NDE1: variants seen among roughly 807,000 people sequenced by gnomAD.
The protein encoded by NDE1 is nuclear distribution protein nudE homolog 1.
NDE1 carries 28 observed loss-of-function variants against 43.4 expected under a neutral mutation model. The ratio of observed to expected loss-of-function variants is 0.65; its 90% CI spans 0.48 to 0.89. The LOEUF (loss-of-function observed/expected upper bound fraction) is 0.89, where lower values mean the gene tolerates loss of function less well. Ranked by LOEUF, NDE1 falls within the 40% of genes least tolerant of loss-of-function variation. NDE1 has a pLI of 0.00. For synonymous variants in NDE1, 184 were observed against 172.0 expected, an observed-to-expected ratio of 1.07 and a Z score of -0.55; for missense variants, 441 against 434.1, an observed-to-expected ratio of 1.02 and a Z score of -0.14.
At chr16:15,695,145 C>T (rs370521422) in intron 7 of NDE1, among the ~76,000 whole-genome samples, 1 of 150,260 alleles carries the variant, frequency 6.7e-6, no homozygotes, top group East Asian at 1.9e-4. Flanking sequence ...GATTCCAACA[C>T]TGCACTCCAT....
intron 8 of NDE1, chr16:15,720,170 T>C: frequency 1.2e-6 from 2 of 1,614,122 alleles, no homozygotes; most frequent in East Asian, 2.2e-5. Flanking sequence ...GCGTAGCTGC[T>C]TGATGGCTTC....
chr16:15,645,317 G>C (rs975239338), upstream of NDE1, among the ~76,000 whole-genome samples: 1 of 152,062 alleles, frequency 6.6e-6, no homozygotes, highest in African/African-American at 2.4e-5. Context: ...GCTGTAACTA[G>C]TCACAACAAG....
rs747901753 is a variant in NDE1 at position 15,677,887 on chromosome 16, C to G, written c.324C>G (p.Asp108Glu). The change falls in exon 4 of 9, where the codon GAC becomes GAG. Residue 108 changes from aspartate (D) to glutamate (E), a missense_variant. Asp to Glu is a conservative substitution (Grantham distance 45). Coordinates refer to ENST00000396354, the MANE Select transcript of NDE1 (RefSeq NM_017668.3). Reference protein sequence around the residue: ...DDLAQTKAIKDQLQKYIRELE... With the variant: ...DDLAQTKAIKEQLQKYIRELE... ...TCGCGCAGACCAAAGCCATTAAAGA[C>G]CAATTGCAGAAATACATCAGAGAGC... 3 of 1,614,094 alleles carry G rather than the reference C, an allele frequency of 1.9e-6. No individual in the cohort carries two copies. The highest frequency in any genetic ancestry group is 4.5e-5 in the East Asian group (2 of 44,878).
At chr16:15,686,138 G>A (rs1180543086) in intron 4 of NDE1, among the ~76,000 whole-genome samples, 1 of 152,008 alleles carries the variant, frequency 6.6e-6, no homozygotes, top group Non-Finnish European at 1.5e-5. Context: ...TTTTAGTAGA[G>A]ATGAGGTTTC....
chr16:15,714,929 G>T, intron 8 of NDE1: 1 of 1,614,004 alleles, frequency 6.2e-7, no homozygotes, highest in Non-Finnish European at 8.5e-7. Context: ...TCTTGAGTGC[G>T]TTCACCTCGC....
At chr16:15,686,409 C>T in intron 4 of NDE1, 1 of 985,314 alleles carries the variant, frequency 1.0e-6, no homozygotes, top group Non-Finnish European at 1.2e-6. Flanking sequence ...GTGCCTTTAC[C>T]ACAGTGTTTA....
intron 8 of NDE1, chr16:15,721,320 C>G (rs112426613): frequency 7.5e-7 from 1 of 1,324,520 alleles, no homozygotes; most frequent in Non-Finnish European, 1.1e-6. Flanking sequence ...GATGATAGTT[C>G]GCTATGAAAA....
chr16:15,667,384 A>T lies in NDE1; in HGVS notation c.182A>T (p.Asn61Ile). 1 of 1,614,028 alleles carries T rather than the reference A, an allele frequency of 6.2e-7. No individual in the cohort carries two copies. The highest frequency in any genetic ancestry group is 1.1e-5 in the South Asian group (1 of 91,074). ...ETQLQQIETR[N>I]RDLLSENNRL... ...CAGCTGCAACAAATTGAAACCAGGA[A>T]CAGAGACCTCCTGTCCGAAAATAAC... Residue 61 changes from asparagine to isoleucine, a missense_variant, in exon 3 of 9, where the codon AAC becomes ATC. By Grantham distance (149) the Asn-to-Ile change is moderately radical (BLOSUM62 -3). Transcript: ENST00000396354.
At chr16:15,692,601 G>A (rs960960757) in intron 6 of NDE1, among the ~76,000 whole-genome samples, 10 of 151,708 alleles carry the variant, frequency 6.6e-5, no homozygotes, top group East Asian at 1.9e-4. Flanking sequence ...GTAGAGATGG[G>A]GTTTCACCAT....
At chr16:15,720,975 T>A in intron 8 of NDE1, 1 of 1,614,100 alleles carries the variant, frequency 6.2e-7, no homozygotes, top group South Asian at 1.1e-5. Context: ...CAGCTCGTCC[T>A]CCAGCTCTTC....
intron 8 of NDE1, chr16:15,720,784 A>G: frequency 1.3e-6 from 2 of 1,548,780 alleles, no homozygotes; most frequent in South Asian, 2.2e-5. Context: ...GAGTGGTGAT[A>G]GGAATGAAAA....
intron 4 of NDE1, chr16:15,684,696 C>T (rs2038346832): frequency 6.6e-6 from 1 of 151,984 alleles, no homozygotes; most frequent in Non-Finnish European, 1.5e-5. Flanking sequence ...TGTTAGGGTA[C>T]AGTATGAGGT....
At chr16:15,694,965 G>A in intron 7 of NDE1, 1 of 944,640 alleles carries the variant, frequency 1.1e-6, no homozygotes, top group Non-Finnish European at 1.3e-6. Flanking sequence ...GAGCTCAGGA[G>A]TCTGACACCA....
At chr16:15,703,141 T>C in intron 8 of NDE1, 1 of 185,104 alleles carries the variant, frequency 5.4e-6, no homozygotes. Flanking sequence ...GACATTGTGA[T>C]TTATAACCAT....
At chr16:15,655,165 G>T (rs2036698603) in intron 1 of NDE1, among the ~76,000 whole-genome samples, 2 of 151,960 alleles carry the variant, frequency 1.3e-5, no homozygotes, top group Non-Finnish European at 2.9e-5. Context: ...TTATAGGTGC[G>T]CTCTACCACA....
chr16:15,698,352 C>T (rs2039102344), intron 8 of NDE1, among the ~76,000 whole-genome samples: 1 of 151,330 alleles, frequency 6.6e-6, no homozygotes. Context: ...AGCCGTGTTC[C>T]CAGCCACTGC....
chr16:15,706,301 C>T lies in NDE1; in HGVS notation c.947+9441C>T, dbSNP rs78928767. ...TTCTTTTTTAGCACTGTTTTCCAAG[C>T]GCTTGACTCAGAAGGATGCTCAAAT... is the stretch of plus-strand genomic sequence containing the variant. On this transcript the variant is annotated intron_variant, in intron 8 of 8. Transcript: ENST00000396354. Among the ~76,000 whole-genome samples the T allele has an allele frequency of 7.2e-3, 1,099 of 152,204 alleles. 12 individuals are homozygous for T. Among genetic ancestry groups the T allele is most frequent in the African/African-American group, 0.026 (1,069 of 41,540 alleles).
rs759308680 is a variant in NDE1, at chr16:15,720,134, C to T, written c.948-4057C>T. 2 of 1,614,144 alleles carry T rather than the reference C, an allele frequency of 1.2e-6. No homozygotes were observed. Among genetic ancestry groups the T allele is most frequent in the Non-Finnish European group, 1.7e-6 (2 of 1,180,030 alleles). On this transcript the variant is annotated intron_variant, in intron 8 of 8. Transcript: ENST00000396354. Reference sequence around the variant, plus strand: ...GCCCTCCCTCCACCCATGCCCCAAGCTCCTAGTGTCACCCACCTGCAGTTT... The same window carrying T: ...GCCCTCCCTCCACCCATGCCCCAAGTTCCTAGTGTCACCCACCTGCAGTTT...
intron 3 of NDE1, chr16:15,672,737 C>T (rs370040145): frequency 4.6e-5 from 7 of 152,304 alleles, no homozygotes; most frequent in African/African-American, 1.4e-4. Context: ...GGAGCCCACT[C>T]GCTGCGTCCT....
Sources: allele counts gnomAD v4.1 joint callset (sites outside exome capture counted in the v4.1 genomes callset), GRCh38; gene constraint gnomAD v4.1.1; transcripts MANE v1.5; gene names NCBI Gene and HGNC (gene_info 2026-07-23, HGNC 2026-07-21).